DST: variants seen among roughly 807,000 people sequenced by gnomAD.
The protein encoded by DST is bullous pemphigoid antigen.
In DST, 253 loss-of-function variants were observed where a neutral mutation model predicts 875.2. The ratio of observed to expected loss-of-function variants is 0.29; its 90% CI spans 0.26 to 0.32. The LOEUF (loss-of-function observed/expected upper bound fraction) is 0.32, where lower values mean the gene tolerates loss of function less well. DST is among the 10% of genes least tolerant of loss of function. The pLI is 1.00. For missense variants in DST, 8,287 were observed against 9,111.6 expected, an observed-to-expected ratio of 0.91 and a Z score of 3.68; for synonymous variants, 3,124 against 3,197.1, an observed-to-expected ratio of 0.98 and a Z score of 0.77.
chr6:56,810,163 T>C (rs1375757920), intron 4 of DST, among the ~76,000 whole-genome samples: 2 of 152,116 alleles, frequency 1.3e-5, no homozygotes, highest in South Asian at 2.1e-4. Context: ...CCCACCTCTA[T>C]AAAAAATTAG....
intron 55 of DST, among the ~76,000 whole-genome samples, chr6:56,567,732 C>T (rs1275236559): frequency 2.0e-5 from 3 of 152,014 alleles, no homozygotes; most frequent in Admixed American, 1.3e-4. Flanking sequence ...CAGCTGGGGG[C>T]TGGTCAGACT....
rs181136572 is a variant in DST at position 56,501,391 on chromosome 6, A to T, written c.19740+129T>A. 9.3e-4 allele frequency: 1,045 copies of T among 1,120,896 alleles called. 3 individuals carry two copies. Among genetic ancestry groups the T allele is most frequent in the Non-Finnish European group, 1.2e-3 (974 of 827,136 alleles). The allele number at this position is 1,120,896 out of a possible 1,614,324, so 69.4% of individuals were successfully genotyped here. A position where few individuals can be genotyped will look rare whatever the true frequency, so the allele number is the denominator to read the frequency against. Reference sequence around the variant, plus strand: ...CATATCCTTCTATGTTTTAAGTTTGACGCTCCTCATGGTTAAAATAGAATA... The same window carrying T: ...CATATCCTTCTATGTTTTAAGTTTGTCGCTCCTCATGGTTAAAATAGAATA... On this transcript the variant is annotated intron_variant, in intron 79 of 103. Transcript: ENST00000680361.
intron 4 of DST, among the ~76,000 whole-genome samples, chr6:56,743,310 T>C (rs549075330): frequency 3.3e-5 from 5 of 152,208 alleles, no homozygotes; most frequent in Non-Finnish European, 5.9e-5. Context: ...ACTTCAGCAA[T>C]AGAAAACCAC....
At chr6:56,882,065 C>A (rs767312568) in intron 3 of DST, among the ~76,000 whole-genome samples, 7 of 152,104 alleles carry the variant, frequency 4.6e-5, no homozygotes, top group Non-Finnish European at 2.9e-5. Flanking sequence ...CTGGGACAAA[C>A]GTTTATGCTC....
At chr6:56,576,790 T>C (rs1241429150) in intron 50 of DST, among the ~76,000 whole-genome samples, 1 of 152,086 alleles carries the variant, frequency 6.6e-6, no homozygotes, top group Non-Finnish European at 1.5e-5. Flanking sequence ...AGCAAGATAG[T>C]GGCCATCTGT....
At chr6:56,839,722 G>T (rs533347969) in intron 4 of DST, among the ~76,000 whole-genome samples, 1 of 152,074 alleles carries the variant, frequency 6.6e-6, no homozygotes, top group Non-Finnish European at 1.5e-5. Context: ...CAATAAACCC[G>T]AACTGAAAAT....
chr6:56,497,494 T>TGG lies in DST; in HGVS notation c.20106_20107dup (p.His6703ProfsTer12), dbSNP rs1562372912. The TGG allele has an allele frequency of 6.2e-7, 1 of 1,612,780 alleles. No individual in the cohort carries two copies. Among genetic ancestry groups the TGG allele is most frequent in the Non-Finnish European group, 8.5e-7 (1 of 1,179,348 alleles). On this transcript the variant is annotated frameshift_variant, in exon 82 of 104. Transcript: ENST00000680361. LOFTEE classifies it high-confidence loss of function. ...CTGCTGCAAATCCTCAATTTCGCCA[T>TGG]GGAACCCTTTGGCCTGAAGTAATAG...
chr6:56,649,615 G>A (rs1554570974), intron 12 of DST, among the ~76,000 whole-genome samples: 1 of 152,112 alleles, frequency 6.6e-6, no homozygotes, highest in Non-Finnish European at 1.5e-5. Flanking sequence ...GTGGATAAAA[G>A]GGGAGTCCCA....
chr6:56,531,975 T>C (rs2096903367), intron 64 of DST, among the ~76,000 whole-genome samples: 1 of 152,192 alleles, frequency 6.6e-6, no homozygotes, highest in African/African-American at 2.4e-5. Flanking sequence ...TCATTACTTC[T>C]CAATGGCTAT....
chr6:56,541,956 T>C (rs1430503330), intron 61 of DST, among the ~76,000 whole-genome samples: 2 of 152,164 alleles, frequency 1.3e-5, no homozygotes, highest in African/African-American at 4.8e-5. Flanking sequence ...TCAGTCCATT[T>C]CCCTTTTTAG....
At chr6:56,722,368 G>GTTTGTTTGTTTATTTATTTATTTA (rs376637331) in intron 5 of DST, among the ~76,000 whole-genome samples, 39 of 150,708 alleles carry the variant, frequency 2.6e-4, no homozygotes, top group East Asian at 1.8e-3. Context: ...GTACATGTTT[G>GTTTGTTTGTTTATTTATTTATTTA]TTTATTTATT....
chr6:56,751,472 G>A (rs985149915), intron 4 of DST, among the ~76,000 whole-genome samples: 1 of 151,800 alleles, frequency 6.6e-6, no homozygotes, highest in Non-Finnish European at 1.5e-5. Context: ...TTTTACAGCA[G>A]GCATTCTTGT....
chr6:56,780,361 A>G (rs1218456803), intron 4 of DST, among the ~76,000 whole-genome samples: 1 of 151,536 alleles, frequency 6.6e-6, no homozygotes, highest in Non-Finnish European at 1.5e-5. Context: ...AAGTGTTCCT[A>G]TTTCTCCACA....
At chr6:56,823,035 G>A (rs376181666) in intron 4 of DST, among the ~76,000 whole-genome samples, 9 of 152,064 alleles carry the variant, frequency 5.9e-5, no homozygotes, top group African/African-American at 1.7e-4. Context: ...ATTTCACCAC[G>A]TTGGCCAGGC....
rs2098487538 is a variant in DST at position 56,605,592 on chromosome 6, G to C, written c.9036C>G (p.Ser3012Arg). ...TTACAGAGGCTATCAATGACAAATG[G>C]CTTTCCTCAGCAGGTTTTCCTATTA... is the stretch of plus-strand genomic sequence containing the variant. Reference protein sequence around the residue: ...PDLIGKPAEESHLSLIASVTD... With the variant: ...PDLIGKPAEERHLSLIASVTD... The change falls in exon 40 of 104, where the codon AGC becomes AGG. Residue 3012 changes from serine (S) to arginine (R), a missense_variant. By Grantham distance (110) the Ser-to-Arg change is moderately radical. This residue lies in a region of DST where 3,138 missense variants were observed against 3,116.6 expected (regional missense o/e 1.01). Transcript: ENST00000680361. The C allele has an allele frequency of 1.2e-6, 2 of 1,613,016 alleles. No individual in the cohort carries two copies. Among genetic ancestry groups the C allele is most frequent in the Non-Finnish European group, 1.7e-6 (2 of 1,179,336 alleles).
rs1016304031 is a variant in DST at position 56,648,807 on chromosome 6, C to A, written c.1435-118G>T. The A allele has an allele frequency of 1.6e-5, 13 of 836,870 alleles. No individual in the cohort carries two copies. In the South Asian group the frequency reaches 2.4e-4, roughly 16 times the overall value. 51.8% of individuals were successfully genotyped at this position (836,870 alleles called of 1,614,324 possible). ...TGTATTTGAAGCCTGACAGACAGAACCAGCTAAATGTTTTCTTACTTTCAC... is the reference window on the plus strand; with the variant it reads ...TGTATTTGAAGCCTGACAGACAGAAACAGCTAAATGTTTTCTTACTTTCAC... On this transcript the variant is annotated intron_variant, in intron 12 of 103. Coordinates refer to ENST00000680361, the MANE Select transcript of DST (RefSeq NM_001374736.1).
chr6:56,641,649 T>A (rs1174033718), intron 17 of DST, among the ~76,000 whole-genome samples: 1 of 152,212 alleles, frequency 6.6e-6, no homozygotes, highest in Non-Finnish European at 1.5e-5. Context: ...CCATGAATAC[T>A]TTAAATGTAT....
chr6:56,580,729 T>C (rs1024586634), intron 49 of DST, among the ~76,000 whole-genome samples: 13 of 145,978 alleles, frequency 8.9e-5, no homozygotes, highest in East Asian at 7.8e-4. Flanking sequence ...CTTTTTCTTT[T>C]TTTTTTTTTT....
intron 50 of DST, among the ~76,000 whole-genome samples, chr6:56,574,725 C>A (rs1161518667): frequency 6.6e-6 from 1 of 151,872 alleles, no homozygotes; most frequent in East Asian, 1.9e-4. Context: ...ATATTGTAGA[C>A]CAATGAAAAG....
Sources: allele counts gnomAD v4.1 joint callset (sites outside exome capture counted in the v4.1 genomes callset), GRCh38; gene constraint gnomAD v4.1.1; regional missense constraint gnomAD v4.1.1; transcripts MANE v1.5; gene names NCBI Gene and HGNC (gene_info 2026-07-23, HGNC 2026-07-21).